The following LGSN variants were observed in gnomAD, a reference collection of about 807,000 sequenced individuals.
LGSN encodes the protein lengsin, lens protein with glutamine synthetase domain.
A neutral mutation model predicts 19.5 loss-of-function variants in LGSN; 21 were observed. That is an observed-to-expected ratio of 1.07 (90% confidence interval 0.76 to 1.55). LGSN has a LOEUF of 1.55. Ranked by LOEUF, LGSN falls within the 40% of genes most tolerant of loss-of-function variation. LGSN has a pLI of 0.00. For missense variants in LGSN, 673 were observed against 608.5 expected, an observed-to-expected ratio of 1.11 and a Z score of -1.12; for synonymous variants, 257 against 215.6, an observed-to-expected ratio of 1.19 and a Z score of -1.68.
At chr6:63,309,716 A>G (rs1337492277) in intron 1 of LGSN, among the ~76,000 whole-genome samples, 1 of 152,252 alleles carries the variant, frequency 6.6e-6, no homozygotes, top group African/African-American at 2.4e-5. Flanking sequence ...GGTGATGAGA[A>G]CACTTAACAT....
intron 2 of LGSN, among the ~76,000 whole-genome samples, chr6:63,287,904 A>G (rs1767607155): frequency 6.6e-6 from 1 of 152,102 alleles, no homozygotes; most frequent in South Asian, 2.1e-4. Flanking sequence ...TACAATGAAT[A>G]CATATTATTT....
the LGSN span, among the ~76,000 whole-genome samples, chr6:63,387,063 C>T: frequency 6.6e-6 from 1 of 151,928 alleles, no homozygotes; most frequent in Non-Finnish European, 1.5e-5. Flanking sequence ...ATCACACCAC[C>T]GTGCTCCAGC....
At chr6:63,539,073 A>T in the LGSN span, among the ~76,000 whole-genome samples, 1 of 151,778 alleles carries the variant, frequency 6.6e-6, no homozygotes, top group Admixed American at 6.6e-5. Flanking sequence ...GTGTTTTTTT[A>T]GTAGAGTAGA....
At chr6:63,295,352 A>G (rs752743143) in intron 1 of LGSN, among the ~76,000 whole-genome samples, 7 of 152,178 alleles carry the variant, frequency 4.6e-5, no homozygotes, top group Admixed American at 3.3e-4. Context: ...GGAATTTTAT[A>G]TTATTTATTC....
At chr6:63,366,537 G>A in the LGSN span, among the ~76,000 whole-genome samples, 1 of 152,156 alleles carries the variant, frequency 6.6e-6, no homozygotes, top group East Asian at 1.9e-4. Flanking sequence ...TAGTTTCAAT[G>A]CCATCCCCAT....
the LGSN span, among the ~76,000 whole-genome samples, chr6:63,341,392 G>A: frequency 8.5e-5 from 13 of 152,316 alleles, no homozygotes; most frequent in East Asian, 9.7e-4. Flanking sequence ...CTGTCCTTAC[G>A]CTCCCAAACA....
At chr6:63,519,584 A>T in the LGSN span, among the ~76,000 whole-genome samples, 1 of 152,272 alleles carries the variant, frequency 6.6e-6, no homozygotes, top group South Asian at 2.1e-4. Flanking sequence ...TGTTCCATAT[A>T]CTTGGCACAA....
chr6:63,434,363 C>T, the LGSN span, among the ~76,000 whole-genome samples: 1 of 151,058 alleles, frequency 6.6e-6, no homozygotes, highest in South Asian at 2.1e-4. Flanking sequence ...TTACTTGAAC[C>T]CAGGAGGTGG....
chr6:63,339,313 C>T, the LGSN span, among the ~76,000 whole-genome samples: 4 of 152,142 alleles, frequency 2.6e-5, no homozygotes, highest in Admixed American at 2.6e-4. Flanking sequence ...TTTAATCTCT[C>T]TTTAGTGCTA....
At chr6:63,442,203 T>C in the LGSN span, among the ~76,000 whole-genome samples, 1 of 152,200 alleles carries the variant, frequency 6.6e-6, no homozygotes, top group South Asian at 2.1e-4. Flanking sequence ...TCTCACTGGC[T>C]TCAGGAGTGA....
intron 1 of LGSN, among the ~76,000 whole-genome samples, chr6:63,305,805 A>G (rs993153314): frequency 1.3e-5 from 2 of 152,100 alleles, no homozygotes; most frequent in African/African-American, 4.8e-5. Flanking sequence ...TCACGCCTGT[A>G]ATCCCAGAAC....
At chr6:63,493,092 C>G in the LGSN span, among the ~76,000 whole-genome samples, 1 of 152,140 alleles carries the variant, frequency 6.6e-6, no homozygotes, top group Non-Finnish European at 1.5e-5. Flanking sequence ...CTTCCTCAAC[C>G]CTTCCAGGTC....
chr6:63,325,119 AAAAAG>A, the LGSN span, among the ~76,000 whole-genome samples: 1 of 151,214 alleles, frequency 6.6e-6, no homozygotes, highest in African/African-American at 2.4e-5. Flanking sequence ...AAAAAAAAAA[AAAAAG>A]GAGAAAATTT....
At chr6:63,487,454 T>G in the LGSN span, among the ~76,000 whole-genome samples, 2 of 152,236 alleles carry the variant, frequency 1.3e-5, no homozygotes, top group African/African-American at 4.8e-5. Context: ...TGTCAAGGCT[T>G]TTTGCTTGGA....
the LGSN span, among the ~76,000 whole-genome samples, chr6:63,530,043 G>T: frequency 3.3e-5 from 5 of 152,004 alleles, no homozygotes. Flanking sequence ...GAATCATGAA[G>T]ATTAACTGTT....
At chr6:63,559,718 C>T in the LGSN span, among the ~76,000 whole-genome samples, 2 of 151,770 alleles carry the variant, frequency 1.3e-5, no homozygotes, top group South Asian at 2.1e-4. Context: ...GCACTCCAGC[C>T]TGGGTGACAG....
the LGSN span, among the ~76,000 whole-genome samples, chr6:63,341,539 C>A: frequency 6.6e-6 from 1 of 152,084 alleles, no homozygotes; most frequent in East Asian, 1.9e-4. Flanking sequence ...GGGGATTATG[C>A]ATTATGGCTC....
the LGSN span, among the ~76,000 whole-genome samples, chr6:63,434,347 G>A: frequency 6.6e-6 from 1 of 151,160 alleles, no homozygotes; most frequent in Non-Finnish European, 1.5e-5. Context: ...GGCTGAGGCA[G>A]GAGACTTACT....
rs149261817 is a variant in LGSN at position 63,280,490 on chromosome 6, G to T, written c.1061C>A (p.Ala354Glu). The T allele has an allele frequency of 2.5e-6, 4 of 1,613,998 alleles. No individual in the cohort carries two copies. The African/African-American group carries it at 5.3e-5, about 22-fold the overall frequency. The change falls in exon 4 of 4, where the codon GCG becomes GAG. Residue 354 changes from alanine to glutamate, a missense_variant. Coordinates refer to ENST00000370657, the MANE Select transcript of LGSN (RefSeq NM_016571.3). ...WLAGLLKHSAALSCLMAPSVS... is the reference protein window; with the variant it reads ...WLAGLLKHSAELSCLMAPSVS... ...AGAAGGCGCCATCAGGCAGCTGAGC[G>T]CAGCAGAGTGCTTCAAGAGTCCTGC...
Sources: gnomAD v4.1 joint callset for allele counts (sites outside exome capture counted in the v4.1 genomes callset) on GRCh38, gnomAD v4.1.1 for gene constraint, MANE v1.5 for transcripts, NCBI Gene and HGNC (gene_info 2026-07-23, HGNC 2026-07-21) for gene names.